RBFOX1: variants seen among roughly 807,000 people sequenced by gnomAD.
RBFOX1 encodes RNA binding protein fox-1 homolog 1.
A neutral mutation model predicts 57.7 loss-of-function variants in RBFOX1; 8 were observed. That is an observed-to-expected ratio of 0.14 (90% CI 0.08 to 0.25). The LOEUF is 0.25. Ranked by LOEUF, RBFOX1 falls within the 10% of genes least tolerant of loss-of-function variation. The pLI is 1.00. For missense variants in RBFOX1, 611 were observed against 548.5 expected, an observed-to-expected ratio of 1.11 and a Z score of -1.14; for synonymous variants, 326 against 222.4, an observed-to-expected ratio of 1.47 and a Z score of -4.15.
intron 3 of RBFOX1, among the ~76,000 whole-genome samples, chr16:6,673,199 G>C (rs2098778608): frequency 6.6e-6 from 1 of 152,132 alleles, no homozygotes. Flanking sequence ...GCTCCTTCCA[G>C]AGTAGTCTTC....
At chr16:7,092,676 G>A (rs2061055207) in intron 4 of RBFOX1, among the ~76,000 whole-genome samples, 1 of 152,318 alleles carries the variant, frequency 6.6e-6, no homozygotes, top group African/African-American at 2.4e-5. Flanking sequence ...CTTGGGCACT[G>A]TCTATGGTAC....
chr16:7,296,575 A>G (rs568034116), intron 4 of RBFOX1, among the ~76,000 whole-genome samples: 1 of 152,284 alleles, frequency 6.6e-6, no homozygotes, highest in African/African-American at 2.4e-5. Flanking sequence ...CATGTTCACG[A>G]TAGCTTGCAA....
chr16:7,001,605 T>C (rs1424826847), intron 3 of RBFOX1, among the ~76,000 whole-genome samples: 3 of 152,004 alleles, frequency 2.0e-5, no homozygotes, highest in Non-Finnish European at 2.9e-5. Context: ...TACAGGCACG[T>C]GCCATCACAC....
At chr16:5,524,218 G>C (rs1450558505) in intron 2 of RBFOX1, among the ~76,000 whole-genome samples, 1 of 152,202 alleles carries the variant, frequency 6.6e-6, no homozygotes, top group Non-Finnish European at 1.5e-5. Flanking sequence ...TCCTGAGACT[G>C]TGCTCTACGT....
chr16:7,194,961 C>G (rs550355381), intron 4 of RBFOX1, among the ~76,000 whole-genome samples: 2 of 148,690 alleles, frequency 1.3e-5, no homozygotes, highest in South Asian at 2.1e-4. Context: ...AATTCAAAGA[C>G]AGCTGAATAA....
intron 4 of RBFOX1, among the ~76,000 whole-genome samples, chr16:7,087,743 C>G (rs1017566898): frequency 6.6e-6 from 1 of 152,088 alleles, no homozygotes; most frequent in African/African-American, 2.4e-5. Context: ...CAGGAAAAGG[C>G]AAGATTTTCT....
chr16:7,115,375 A>G (rs1246838633), intron 4 of RBFOX1, among the ~76,000 whole-genome samples: 12 of 152,250 alleles, frequency 7.9e-5, no homozygotes, highest in Admixed American at 7.9e-4. Flanking sequence ...CATAGAGCTT[A>G]TATTCTAATG....
intron 2 of RBFOX1, among the ~76,000 whole-genome samples, chr16:5,593,520 A>G (rs966880369): frequency 1.1e-4 from 16 of 152,314 alleles, no homozygotes; most frequent in African/African-American, 3.6e-4. Context: ...CTGATAAAAC[A>G]GTTTGCAGTG....
chr16:7,021,417 T>G (rs1167945001), intron 3 of RBFOX1, among the ~76,000 whole-genome samples: 1 of 146,366 alleles, frequency 6.8e-6, no homozygotes, highest in East Asian at 2.0e-4. Context: ...ATGTATGTTT[T>G]TTATATATTT....
intron 4 of RBFOX1, among the ~76,000 whole-genome samples, chr16:7,322,291 A>G (rs2096555748): frequency 1.3e-5 from 2 of 152,204 alleles, no homozygotes; most frequent in Non-Finnish European, 2.9e-5. Flanking sequence ...CACCTGCCCC[A>G]TGTTGTTTGA....
chr16:6,701,609 G>T (rs60545112), intron 3 of RBFOX1, among the ~76,000 whole-genome samples: 1 of 152,136 alleles, frequency 6.6e-6, no homozygotes, highest in African/African-American at 2.4e-5. Flanking sequence ...AGGAGGAGGT[G>T]CCAGGCTCTT....
At chr16:5,366,140 T>C in intron 1 of RBFOX1, 1 of 434,756 alleles carries the variant, frequency 2.3e-6, no homozygotes, top group South Asian at 1.8e-5. Context: ...GACAGCACTT[T>C]GTACCTGTGG....
At chr16:6,482,775 C>T (rs996263110) in intron 2 of RBFOX1, among the ~76,000 whole-genome samples, 2 of 152,058 alleles carry the variant, frequency 1.3e-5, no homozygotes, top group South Asian at 2.1e-4. Flanking sequence ...GTGCTGGGGT[C>T]TTCGATGTTT....
chr16:7,357,566 G>A (rs148911689), intron 4 of RBFOX1, among the ~76,000 whole-genome samples: 2 of 152,162 alleles, frequency 1.3e-5, no homozygotes, highest in African/African-American at 4.8e-5. Flanking sequence ...ATCTTGTTTT[G>A]CTGCATACAT....
intron 4 of RBFOX1, among the ~76,000 whole-genome samples, chr16:7,317,374 A>G (rs1355026136): frequency 6.6e-6 from 1 of 152,104 alleles, no homozygotes; most frequent in Non-Finnish European, 1.5e-5. Flanking sequence ...GTCTCAGCAT[A>G]TCTTAGGCCA....
At chr16:5,466,385 G>A (rs1009137511) in intron 1 of RBFOX1, among the ~76,000 whole-genome samples, 2 of 152,076 alleles carry the variant, frequency 1.3e-5, no homozygotes, top group Non-Finnish European at 2.9e-5. Context: ...GCTGCATTTG[G>A]TGAGGGGAGG....
At chr16:6,913,871 T>G (rs145179149) in intron 3 of RBFOX1, among the ~76,000 whole-genome samples, 1 of 152,290 alleles carries the variant, frequency 6.6e-6, no homozygotes, top group Non-Finnish European at 1.5e-5. Context: ...GCCAATCTAT[T>G]AGCAAGGTGC....
intron 2 of RBFOX1, among the ~76,000 whole-genome samples, chr16:6,557,016 CATATAT>C (rs879560424): frequency 0.073 from 10,478 of 143,906 alleles, 919 homozygotes; most frequent in African/African-American, 0.21. Flanking sequence ...CATATATATA[CATATAT>C]ATACATATAT....
At chr16:7,362,039 AGT>A (rs1462237484) in intron 4 of RBFOX1, among the ~76,000 whole-genome samples, 5 of 148,154 alleles carry the variant, frequency 3.4e-5, no homozygotes, top group East Asian at 4.0e-4. Flanking sequence ...TACATGTGTT[AGT>A]GTGTGTGTTT....
Sources: allele counts gnomAD v4.1 joint callset (sites outside exome capture counted in the v4.1 genomes callset), GRCh38; gene constraint gnomAD v4.1.1; transcripts MANE v1.5; gene names NCBI Gene and HGNC (gene_info 2026-07-23, HGNC 2026-07-21).